NOC2L: variants seen among roughly 807,000 people sequenced by gnomAD.
NOC2L encodes the protein NOC2 like nucleolar associated transcriptional repressor, also known as nucleolar complex protein 2 homolog.
A neutral mutation model predicts 94.2 loss-of-function variants in NOC2L; 101 were observed. That is an observed-to-expected ratio of 1.07 (90% CI 0.91 to 1.26). The LOEUF (loss-of-function observed/expected upper bound fraction) is 1.26. Among genes scored for constraint, NOC2L ranks in the 50% most tolerant of loss-of-function variants. The pLI is 0.00. For missense variants in NOC2L, 1,076 were observed against 980.1 expected, an observed-to-expected ratio of 1.10 and a Z score of -1.31; for synonymous variants, 531 against 413.4, an observed-to-expected ratio of 1.28 and a Z score of -3.45.
chr1:947,335 G>T (rs1181375797), intron 14 of NOC2L, among the ~76,000 whole-genome samples: 1 of 152,202 alleles, frequency 6.6e-6, no homozygotes, highest in Non-Finnish European at 1.5e-5. Context: ...CCCCAGAAAG[G>T]GGGTCCCGGC....
intron 2 of NOC2L, 69 bp from the exon 3 acceptor site, chr1:957,342 G>T: frequency 1.4e-6 from 2 of 1,479,202 alleles, no homozygotes; most frequent in South Asian, 1.2e-5. Context: ...GGCCTACAGG[G>T]TCAGTCTACT....
rs767046016 is a variant in NOC2L, at chr1:952,107, A to G, written c.1224T>C (p.Tyr408=). 4.3e-6 allele frequency: 7 copies of G among 1,613,606 alleles called. No homozygotes were observed. In the South Asian group the frequency reaches 4.4e-5, roughly 10 times the overall value. Reference sequence around the variant, plus strand: ...GGCACCACAGGAAGAGGCAGTGCACATACTGCCAGTTGTACACAGACTGGT... The same window carrying G: ...GGCACCACAGGAAGAGGCAGTGCACGTACTGCCAGTTGTACACAGACTGGT... The part of the protein sequence containing the change: ...ETYQSVYNWQ[Y]VHCLFLWCRV... Residue 408 remains tyrosine (Y), a synonymous_variant, in exon 11 of 19, where the codon TAT becomes TAC. Coordinates refer to ENST00000327044, the MANE Select transcript of NOC2L (RefSeq NM_015658.4).
chr1:955,786 G>C, intron 6 of NOC2L, 137 bp downstream of exon 6: 1 of 748,318 alleles, frequency 1.3e-6, no homozygotes, highest in Non-Finnish European at 2.3e-6. Flanking sequence ...CTCGTGCCCC[G>C]CTGCCTTCTC....
chr1:948,285 A>C, intron 13 of NOC2L, 53 bp from the exon 14 acceptor site: 1 of 1,418,514 alleles, frequency 7.0e-7, no homozygotes, highest in South Asian at 1.2e-5. Context: ...GGGGCTGGGC[A>C]CTCAGGCCCC....
intron 11 of NOC2L, 134 bp from the exon 12 acceptor site, chr1:951,372 A>T (rs538807912): frequency 8.7e-6 from 6 of 688,014 alleles, no homozygotes; most frequent in Non-Finnish European, 1.5e-5. Flanking sequence ...TCTGAACCCC[A>T]GGGACCTGCA....
chr1:952,575 T>C lies in NOC2L; in HGVS notation c.1028A>G (p.Asn343Ser). The change falls in exon 10 of 19, where the codon AAC (asparagine) becomes AGC (serine). Residue 343 changes from asparagine to serine, a missense_variant. Transcript: ENST00000327044. ...LKQMYITYVR[N>S]CKFTSPGALP... ...GGCACCAGGCGAGGTGAACTTGCAG[T>C]TCCTCACATACGTGATGTACATTTG... 1 of 1,613,834 alleles carries C rather than the reference T, an allele frequency of 6.2e-7. No individual in the cohort carries two copies. The highest frequency in any genetic ancestry group is 8.5e-7 in the Non-Finnish European group (1 of 1,180,004).
intron 12 of NOC2L, 64 bp from the exon 13 acceptor site, chr1:948,667 CTGCACCCTGGT>C (rs1376572362): frequency 7.3e-7 from 1 of 1,367,088 alleles, no homozygotes; most frequent in African/African-American, 1.4e-5. Flanking sequence ...TTCACCCTGG[CTGCACCCTGGT>C]CCCCCTGGTC....
chr1:945,444 C>T, intron 17 of NOC2L, 74 bp downstream of exon 17: 1 of 1,557,198 alleles, frequency 6.4e-7, no homozygotes, highest in Non-Finnish European at 8.8e-7. Flanking sequence ...GTACAGGTGG[C>T]CCTCGTGGCT....
At chr1:949,607 G>C (rs1226574259) in intron 12 of NOC2L, among the ~76,000 whole-genome samples, 1 of 152,242 alleles carries the variant, frequency 6.6e-6, no homozygotes, top group Non-Finnish European at 1.5e-5. Context: ...CCAGGGCAGT[G>C]CACAAGTGAA....
intron 4 of NOC2L, among the ~76,000 whole-genome samples, chr1:956,624 G>A (rs1293973169): frequency 3.9e-5 from 6 of 152,188 alleles, no homozygotes; most frequent in Admixed American, 3.9e-4. Context: ...AGAGCCCCTG[G>A]AATCTACCCA....
chr1:948,093 C>A (rs1557616681), intron 14 of NOC2L, 38 bp downstream of exon 14: 6 of 1,503,318 alleles, frequency 4.0e-6, no homozygotes, highest in Admixed American at 2.0e-5. Context: ...ATAAGACAGT[C>A]TGAGTCGGCC....
intron 12 of NOC2L, 40 bp downstream of exon 12, chr1:951,087 G>T: frequency 1.4e-6 from 2 of 1,442,222 alleles, no homozygotes; most frequent in Non-Finnish European, 1.9e-6. Flanking sequence ...CCCTACAGGA[G>T]CAGGCAGAGG....
At chr1:946,324 T>G in intron 15 of NOC2L, 38 bp from the exon 16 acceptor site, 1 of 1,611,576 alleles carries the variant, frequency 6.2e-7, no homozygotes, top group East Asian at 2.2e-5. Context: ...TGCCTCACCC[T>G]GGGCAAACCC....
intron 6 of NOC2L, among the ~76,000 whole-genome samples, chr1:954,703 C>T (rs1478814415): frequency 2.0e-5 from 3 of 151,976 alleles, no homozygotes; most frequent in Non-Finnish European, 4.4e-5. Flanking sequence ...GGCCTGGTGG[C>T]GGAGTCCCAG....
intron 10 of NOC2L, 106 bp from the exon 11 acceptor site, chr1:952,245 G>C (rs1240276946): frequency 6.9e-7 from 1 of 1,441,934 alleles, no homozygotes; most frequent in East Asian, 2.4e-5. Context: ...TGCACACGGG[G>C]TCTCAACCCA....
chr1:948,452 G>A (rs201749198), intron 13 of NOC2L, 38 bp downstream of exon 13: 9 of 1,505,486 alleles, frequency 6.0e-6, no homozygotes, highest in African/African-American at 5.5e-5. Flanking sequence ...CCCCACCCTG[G>A]GAACTGCCCA....
chr1:955,257 G>A (rs777164552), intron 6 of NOC2L, among the ~76,000 whole-genome samples: 2 of 152,222 alleles, frequency 1.3e-5, no homozygotes, highest in Non-Finnish European at 2.9e-5. Context: ...CAGCAACAGT[G>A]CCCCTGTCTC....
At position 945,073 on chromosome 1, in the gene NOC2L, GTCC is replaced by G. The variant is rs762131715; in HGVS notation, c.2124_2126del (p.Glu708del). ...ACCATTCACCCTCCGAGTTGCTGCTGTCCTCCTCGCCCTCCTCCTCGTCCTCTT... is the reference window on the plus strand; with the variant it reads ...ACCATTCACCCTCCGAGTTGCTGCTGTCCTCGCCCTCCTCCTCGTCCTCTT... On this transcript the variant is annotated inframe_deletion, in exon 18 of 19. Transcript: ENST00000327044. 27 of 1,614,034 alleles carry G rather than the reference GTCC, an allele frequency of 1.7e-5. 1 individual carries two copies. The highest frequency in any genetic ancestry group is 7.7e-5 in the South Asian group (7 of 91,076).
In NOC2L at chr1:957,075, T is replaced by A. The variant is rs1569955887; in HGVS notation, c.354+24A>T. 3 of 1,613,954 alleles carry A rather than the reference T, an allele frequency of 1.9e-6. No individual in the cohort carries two copies. In the South Asian group the frequency reaches 3.3e-5, roughly 18 times the overall value. ...GAGAGTGTAGAGACAAGTGCCCCCC[T>A]TCTGGTTTGGCCCACGCCCTCACCT... On this transcript the variant is annotated intron_variant, in intron 3 of 18. Coordinates refer to ENST00000327044, the MANE Select transcript of NOC2L (RefSeq NM_015658.4).
Sources: gnomAD v4.1 joint callset for allele counts (sites outside exome capture counted in the v4.1 genomes callset) on GRCh38, gnomAD v4.1.1 for gene constraint, MANE v1.5 for transcripts, NCBI Gene and HGNC (gene_info 2026-07-23, HGNC 2026-07-21) for gene names.